JCAD: variants seen among roughly 807,000 people sequenced by gnomAD.
The protein encoded by JCAD is junctional cadherin 5-associated protein.
A neutral mutation model predicts 98.0 loss-of-function variants in JCAD; 40 were observed. The observed-to-expected ratio is 0.41, with a 90% CI of 0.32 to 0.53. The LOEUF (loss-of-function observed/expected upper bound fraction) is 0.53, where lower values mean the gene tolerates loss of function less well. Ranked by LOEUF, JCAD falls within the 20% of genes least tolerant of loss-of-function variation. The pLI is 0.31. For synonymous variants in JCAD, 691 were observed against 682.3 expected (o/e 1.01, Z -0.20); for missense variants, 1,705 against 1,738.1 (o/e 0.98, Z 0.34).
At position 30,047,833 on chromosome 10, in the gene JCAD, G is replaced by C. The variant is rs1423286543; in HGVS notation, c.-21C>G. 2 of 1,583,776 alleles carry C rather than the reference G, an allele frequency of 1.3e-6. No individual in the cohort carries two copies. The highest frequency in any genetic ancestry group is 1.7e-6 in the Non-Finnish European group (2 of 1,163,864). On this transcript the variant is annotated 5_prime_UTR_variant, in exon 2 of 4. Transcript: ENST00000375377. ...TACATGATGCCTGGGCTTCAGCAAA[G>C]CTCAACCACTGGAACCATGGTGGTG...
intron 1 of JCAD, among the ~76,000 whole-genome samples, chr10:30,106,920 G>T (rs1351220341): frequency 6.6e-6 from 1 of 152,218 alleles, no homozygotes; most frequent in African/African-American, 2.4e-5. Flanking sequence ...AATGTAGGGA[G>T]ACCACGGCTG....
At chr10:30,105,884 G>A (rs1022489758) in intron 1 of JCAD, among the ~76,000 whole-genome samples, 7 of 152,260 alleles carry the variant, frequency 4.6e-5, no homozygotes, top group African/African-American at 1.7e-4. Flanking sequence ...CAATTTATGT[G>A]TAAAGATCTA....
intron 1 of JCAD, among the ~76,000 whole-genome samples, chr10:30,056,833 T>A (rs1329543697): frequency 6.6e-6 from 1 of 152,154 alleles, no homozygotes; most frequent in Non-Finnish European, 1.5e-5. Flanking sequence ...GGGGAGGGGT[T>A]CCTGTATTTT....
At chr10:30,092,354 G>A (rs1564470092) in intron 1 of JCAD, among the ~76,000 whole-genome samples, 1 of 151,572 alleles carries the variant, frequency 6.6e-6, no homozygotes, top group Non-Finnish European at 1.5e-5. Flanking sequence ...TCATGTTGGT[G>A]TGTAACTCCA....
intron 1 of JCAD, among the ~76,000 whole-genome samples, chr10:30,073,661 C>CCTTG (rs1554800607): frequency 1.1e-5 from 1 of 88,970 alleles, no homozygotes; most frequent in African/African-American, 4.2e-5. Context: ...TTCCTTCCTT[C>CCTTG]CTTCCTTCCT....
intron 1 of JCAD, among the ~76,000 whole-genome samples, chr10:30,112,740 C>T (rs1838726779): frequency 6.6e-6 from 1 of 151,908 alleles, no homozygotes; most frequent in African/African-American, 2.4e-5. Flanking sequence ...GGCGTGGTGG[C>T]ACATGCCTGT....
At chr10:30,051,038 T>A (rs1361827627) in intron 1 of JCAD, among the ~76,000 whole-genome samples, 1 of 152,212 alleles carries the variant, frequency 6.6e-6, no homozygotes, top group African/African-American at 2.4e-5. Context: ...TCTGTCTAGC[T>A]TCAAAGTTCA....
intron 1 of JCAD, among the ~76,000 whole-genome samples, chr10:30,107,439 G>A (rs904386889): frequency 1.3e-5 from 2 of 152,150 alleles, no homozygotes; most frequent in African/African-American, 2.4e-5. Flanking sequence ...AGATGCAATG[G>A]CAATATCCAG....
Position 30,104,875 on chromosome 10 carries a change from C to T in JCAD, n.128+10492G>A, listed in dbSNP as rs564483344. Among the ~76,000 whole-genome samples the T allele has an allele frequency of 4.3e-4, 65 of 151,814 alleles. 1 individual carries two copies. In the South Asian group the frequency reaches 9.8e-3, roughly 23 times the overall value. On this transcript the variant is annotated intron_variant and non_coding_transcript_variant, in intron 1 of 2. Transcript: ENST00000465712. ...AGAAGAGCGGAGGGTTGGGGGTTGG[C>T]TGAAAAATGGTAGCTCAATTCTGTT...
In JCAD at chr10:30,029,818, A is replaced by G; in HGVS notation, c.330T>C (p.Gly110=). 1 of 1,614,044 alleles carries G rather than the reference A, an allele frequency of 6.2e-7. No homozygotes were observed. ...PSAWSSHPPT[G]NDQAYRRRGR... ...CTCTTCTCCGGTAGGCTTGGTCGTT[A>G]CCAGTCGGGGGATGAGAGGACCATG... Residue 110 remains glycine, a synonymous_variant, in exon 3 of 4, where the codon GGT becomes GGC. Coordinates refer to ENST00000375377, the MANE Select transcript of JCAD (RefSeq NM_020848.4).
chr10:30,040,227 G>A (rs138311870), intron 2 of JCAD, among the ~76,000 whole-genome samples: 28 of 152,226 alleles, frequency 1.8e-4, no homozygotes, highest in East Asian at 1.2e-3. Context: ...GCTCCTCCTG[G>A]GGATGGCTGG....
Position 30,026,013 on chromosome 10 carries a change from A to G in JCAD, c.4045+90T>C, listed in dbSNP as rs780158877. On this transcript the variant is annotated intron_variant, in intron 3 of 3. Coordinates refer to ENST00000375377, the MANE Select transcript of JCAD (RefSeq NM_020848.4). ...TCAACTTGATCTTTTCTGAATATGC[A>G]GATTTACATTATCCACCAACCTGGT... 3 of 1,425,406 alleles carry G rather than the reference A, an allele frequency of 2.1e-6. No homozygotes were observed. The African/African-American group carries it at 4.2e-5, about 20-fold the overall frequency. 88.3% of individuals were successfully genotyped at this position (1,425,406 alleles called of 1,614,324 possible).
In JCAD at chr10:30,027,722, G is replaced by A. The variant is rs774520625; in HGVS notation, c.2426C>T (p.Pro809Leu). Reference protein sequence around the residue: ...REVVKGEPTGPCNSKQLFGQF... With the variant: ...REVVKGEPTGLCNSKQLFGQF... ...CCCAAAGAGTTGTTTACTGTTGCAA[G>A]GGCCCGTGGGCTCCCCCTTCACCAC... Residue 809 changes from proline to leucine, a missense_variant, in exon 3 of 4, where the codon CCT becomes CTT. Pro to Leu is a moderately conservative substitution (Grantham distance 98). Transcript: ENST00000375377. 21 of 1,614,142 alleles carry A rather than the reference G, an allele frequency of 1.3e-5. No individual in the cohort carries two copies. The highest frequency in any genetic ancestry group is 7.7e-5 in the South Asian group (7 of 91,096).
At chr10:30,096,680 C>G (rs1055549461) in intron 1 of JCAD, among the ~76,000 whole-genome samples, 1 of 151,032 alleles carries the variant, frequency 6.6e-6, no homozygotes, top group African/African-American at 2.4e-5. Context: ...CCTGAATGTA[C>G]CCCTTCTCCT....
intron 1 of JCAD, among the ~76,000 whole-genome samples, chr10:30,048,629 G>C (rs1837406468): frequency 6.6e-6 from 1 of 151,880 alleles, no homozygotes; most frequent in Admixed American, 6.6e-5. Flanking sequence ...GCAGTGGCAT[G>C]ATCTCGACTG....
chr10:30,064,272 G>A (rs969012481), upstream of JCAD, among the ~76,000 whole-genome samples: 1 of 152,114 alleles, frequency 6.6e-6, no homozygotes, highest in African/African-American at 2.4e-5. Flanking sequence ...TAGCATGTGA[G>A]CATGCTCAGC....
rs3739998 is a variant in JCAD, at chr10:30,027,143, C to G, written c.3005G>C (p.Ser1002Thr). Residue 1002 changes from serine (S) to threonine (T), a missense_variant, in exon 3 of 4, where the codon AGT (serine) becomes ACT (threonine). Ser to Thr is a moderately conservative substitution (Grantham distance 58). Coordinates refer to ENST00000375377, the MANE Select transcript of JCAD (RefSeq NM_020848.4). ...YPAEPREPQE[S>T]PKITSAFSSV... Reference sequence around the variant, plus strand: ...GCTGAAAGCACTGGTGATTTTCGGACTTTCCTGGGGCTCCCTAGGTTCAGC... The same window carrying G: ...GCTGAAAGCACTGGTGATTTTCGGAGTTTCCTGGGGCTCCCTAGGTTCAGC... 0.4 allele frequency: 649,376 copies of G among 1,613,950 alleles called. 136,854 individuals carry two copies. Among genetic ancestry groups the G allele is most frequent in the Non-Finnish European group, 0.44 (513,820 of 1,179,936 alleles).
At chr10:30,044,953 C>A in intron 2 of JCAD, 1 of 187,298 alleles carries the variant, frequency 5.3e-6, no homozygotes, top group Non-Finnish European at 1.0e-5. Flanking sequence ...AGCCAACCTT[C>A]AATCCAAAAG....
At chr10:30,020,885 T>C (rs755753) in intron 3 of JCAD, among the ~76,000 whole-genome samples, 2,308 of 152,324 alleles carry the variant, frequency 0.015, 55 homozygotes, top group African/African-American at 0.052. Context: ...GCACCTGTTA[T>C]TAAGATGCTT....
Sources: allele counts gnomAD v4.1 joint callset (sites outside exome capture counted in the v4.1 genomes callset), GRCh38; gene constraint gnomAD v4.1.1; transcripts MANE v1.5; gene names NCBI Gene and HGNC (gene_info 2026-07-23, HGNC 2026-07-21).